Variants in LIMCH1 observed in about 807,000 individuals in gnomAD.
LIMCH1 encodes LIM and calponin homology domains 1, also known as LIM and calponin homology domains-containing protein 1.
A neutral mutation model predicts 176.5 loss-of-function variants in LIMCH1; 113 were observed. The ratio of observed to expected loss-of-function variants is 0.64; its 90% CI spans 0.55 to 0.75. The LOEUF (loss-of-function observed/expected upper bound fraction) is 0.75. Among genes scored for constraint, LIMCH1 ranks in the 30% least tolerant of loss-of-function variants. The pLI is 0.00. For missense variants in LIMCH1, 1,674 were observed against 1,814.9 expected, an observed-to-expected ratio of 0.92 and a Z score of 1.41; for synonymous variants, 619 against 645.9, an observed-to-expected ratio of 0.96 and a Z score of 0.63.
intron 1 of LIMCH1, among the ~76,000 whole-genome samples, chr4:41,402,419 G>A (rs546746514): frequency 6.0e-5 from 9 of 149,264 alleles, no homozygotes; most frequent in East Asian, 3.9e-4. Flanking sequence ...TCAGTGTGGC[G>A]ATTCCTCAGG....
At position 41,698,318 on chromosome 4, in the gene LIMCH1, C is replaced by T. The variant is rs1233036702; in HGVS notation, c.*1133C>T. The T allele has an allele frequency of 6.6e-6, 1 of 152,282 alleles. No individual in the cohort carries two copies. Among genetic ancestry groups the T allele is most frequent in the Non-Finnish European group, 1.5e-5 (1 of 68,086 alleles). The allele number at this position is 152,282 out of a possible 1,614,324, so 9.4% of individuals were successfully genotyped here. ...CCCACTTCAATGAATACCTACTCTC[C>T]TCCATTCTCCATCACTTTTTTTGCT... On this transcript the variant is annotated 3_prime_UTR_variant, in exon 32 of 32. Transcript: ENST00000503057.
intron 1 of LIMCH1, among the ~76,000 whole-genome samples, chr4:41,484,018 G>A (rs909627601): frequency 2.0e-5 from 3 of 152,186 alleles, no homozygotes; most frequent in Non-Finnish European, 4.4e-5. Flanking sequence ...CTTTAAAATA[G>A]AAGCAATAAT....
intron 18 of LIMCH1, among the ~76,000 whole-genome samples, chr4:41,659,190 C>G (rs557227446): frequency 6.6e-6 from 1 of 152,288 alleles, no homozygotes; most frequent in South Asian, 2.1e-4. Context: ...TAACTATTCT[C>G]ACTCATTTAA....
In LIMCH1 at chr4:41,619,317, C is replaced by T. The variant is rs966636647; in HGVS notation, c.335C>T (p.Pro112Leu). 31 of 1,614,048 alleles carry T rather than the reference C, an allele frequency of 1.9e-5. No individual in the cohort carries two copies. Among genetic ancestry groups the T allele is most frequent in the Non-Finnish European group, 2.5e-5 (29 of 1,180,028 alleles). Residue 112 changes from proline (P) to leucine (L), a missense_variant, in exon 6 of 32, where the codon CCG becomes CTG. Physicochemically the swap from Pro to Leu is moderately conservative, Grantham distance 98 (BLOSUM62 -3). Transcript: ENST00000503057. ...GCAGTGCCTTTTAACCAGTACCTCC[C>T]GAACAAAAGCAATCAGACGGCCTAC... ...KSAVPFNQYLPNKSNQTAYVP... is the reference protein window; with the variant it reads ...KSAVPFNQYLLNKSNQTAYVP...
Position 41,619,235 on chromosome 4 carries a change from G to T in LIMCH1, c.253G>T (p.Asp85Tyr). 1 of 1,614,192 alleles carries T rather than the reference G, an allele frequency of 6.2e-7. No homozygotes were observed. Among genetic ancestry groups the T allele is most frequent in the Non-Finnish European group, 8.5e-7 (1 of 1,180,036 alleles). ...ESDLPHRKLP[D>Y]VKKDDMSARR... ...CGACTTGCCTCATCGGAAGCTGCCA[G>T]ATGTGAAGAAGGATGACATGTCTGC... The change falls in exon 6 of 32, where the codon GAT (aspartate) becomes TAT (tyrosine). Residue 85 changes from aspartate (D) to tyrosine (Y), a missense_variant. Asp to Tyr is a radical substitution (Grantham distance 160). Around this residue, in one of 3 missense-constraint regions of LIMCH1, gnomAD observed 655 missense variants for 692.2 expected, o/e 0.95. Coordinates refer to ENST00000503057, the MANE Select transcript of LIMCH1 (RefSeq NM_001330672.2).
intron 1 of LIMCH1, among the ~76,000 whole-genome samples, chr4:41,546,702 G>A (rs1041269969): frequency 2.0e-5 from 3 of 151,956 alleles, no homozygotes; most frequent in Non-Finnish European, 4.4e-5. Flanking sequence ...ATAGATTATG[G>A]CACTAAAATA....
intron 1 of LIMCH1, among the ~76,000 whole-genome samples, chr4:41,463,689 C>T (rs2065708223): frequency 6.6e-6 from 1 of 151,406 alleles, no homozygotes; most frequent in Non-Finnish European, 1.5e-5. Flanking sequence ...GATGCTTCCA[C>T]CTCAGCACCC....
At chr4:41,487,640 AT>A (rs1170550580) in intron 1 of LIMCH1, among the ~76,000 whole-genome samples, 2 of 146,258 alleles carry the variant, frequency 1.4e-5, no homozygotes, top group Admixed American at 6.8e-5. Context: ...TGGGGCACCA[AT>A]TTTTTTATAT....
chr4:41,492,003 C>T lies in LIMCH1; in HGVS notation c.97-2533C>T, dbSNP rs375087439. 6.7e-4 allele frequency among the ~76,000 whole-genome samples: 102 copies of T among 152,318 alleles called. 3 individuals are homozygous for T. The East Asian group carries it at 0.017, about 26-fold the overall frequency. Reference sequence around the variant, plus strand: ...GCTGCTCACTTCCTAGACGGGGTGGCGGGCAGGCAGAGGCTGTAATCTTAG... The same window carrying T: ...GCTGCTCACTTCCTAGACGGGGTGGTGGGCAGGCAGAGGCTGTAATCTTAG... On this transcript the variant is annotated intron_variant, in intron 1 of 26. Transcript: ENST00000313860.
intron 3 of LIMCH1, 167 bp downstream of exon 3, chr4:41,604,072 T>C: frequency 2.1e-6 from 1 of 466,758 alleles, no homozygotes; most frequent in Non-Finnish European, 2.8e-6. Flanking sequence ...GTAAATTGTG[T>C]ATGTGTTGGG....
intron 29 of LIMCH1, chr4:41,688,940 A>G (rs189589795): frequency 6.6e-6 from 1 of 152,522 alleles, no homozygotes; most frequent in African/African-American, 2.4e-5. Flanking sequence ...TTCATATTAA[A>G]AGGTGAAAGA....
At chr4:41,559,514 T>A (rs2081770593) in intron 1 of LIMCH1, among the ~76,000 whole-genome samples, 1 of 152,138 alleles carries the variant, frequency 6.6e-6, no homozygotes. Context: ...TGAACCTGGC[T>A]GCATCCTCCG....
intron 1 of LIMCH1, among the ~76,000 whole-genome samples, chr4:41,398,075 A>G (rs983276755): frequency 1.3e-5 from 2 of 151,982 alleles, no homozygotes; most frequent in Non-Finnish European, 2.9e-5. Context: ...GATTCATCAC[A>G]GCTATTCTTG....
At chr4:41,377,961 C>T (rs2055019442) in intron 1 of LIMCH1, among the ~76,000 whole-genome samples, 1 of 152,212 alleles carries the variant, frequency 6.6e-6, no homozygotes, top group African/African-American at 2.4e-5. Context: ...CACTGCTGCA[C>T]TGGGGACCAA....
chr4:41,385,537 CAG>C (rs1443043638), intron 1 of LIMCH1, among the ~76,000 whole-genome samples: 4 of 152,116 alleles, frequency 2.6e-5, no homozygotes, highest in Middle Eastern at 6.8e-3. Flanking sequence ...TCAGTTTTGT[CAG>C]AGAGTTATGA....
intron 1 of LIMCH1, among the ~76,000 whole-genome samples, chr4:41,364,377 G>A (rs971566724): frequency 6.6e-5 from 10 of 151,642 alleles, no homozygotes; most frequent in African/African-American, 2.4e-4. Flanking sequence ...TATTGCTATT[G>A]TTTTTTTCTG....
At chr4:41,671,653 T>C in intron 22 of LIMCH1, 59 bp downstream of exon 22, 1 of 1,294,706 alleles carries the variant, frequency 7.7e-7, no homozygotes, top group African/African-American at 1.5e-5. Context: ...ATTTATAACA[T>C]TTGATTGGCT....
rs1322784487 is a variant in LIMCH1 at position 41,620,665 on chromosome 4, A to G, written c.700A>G (p.Met234Val). 2.0e-6 allele frequency: 3 copies of G among 1,535,904 alleles called. No individual in the cohort carries two copies. Among genetic ancestry groups the G allele is most frequent in the Admixed American group, 2.0e-5 (1 of 51,000 alleles). Residue 234 changes from methionine to valine, a missense_variant, in exon 7 of 32, where the codon ATG (methionine) becomes GTG (valine). Physicochemically the swap from Met to Val is conservative, Grantham distance 21. This residue lies in a region of LIMCH1 where 655 missense variants were observed against 692.2 expected (regional missense o/e 0.95). Transcript: ENST00000503057. The stretch of plus-strand genomic sequence containing the variant: ...GCTAGAGCAAGCTGGAATCAAGGTC[A>G]TGCCAGCAGCACAGCGCTTTGCCAG... ...KRLEQAGIKV[M>V]PAAQRFASQK...
chr4:41,562,441 T>G (rs1480908127), intron 1 of LIMCH1, among the ~76,000 whole-genome samples: 1 of 152,160 alleles, frequency 6.6e-6, no homozygotes, highest in Non-Finnish European at 1.5e-5. Context: ...AGGAAAAGTG[T>G]CAATAAGTAT....
Sources: gnomAD v4.1 joint callset for allele counts (sites outside exome capture counted in the v4.1 genomes callset) on GRCh38, gnomAD v4.1.1 for gene constraint, gnomAD v4.1.1 regional missense constraint, MANE v1.5 for transcripts, NCBI Gene and HGNC (gene_info 2026-07-23, HGNC 2026-07-21) for gene names.